DCC: variants seen among roughly 807,000 people sequenced by gnomAD.
DCC encodes DCC netrin 1 receptor.
Under a neutral mutation model 172.5 loss-of-function variants are expected in DCC, and 58 were observed. That is an observed-to-expected ratio of 0.34 (90% CI 0.27 to 0.42). The LOEUF is 0.42. Among genes scored for constraint, DCC ranks in the 10% least tolerant of loss-of-function variants. The probability of loss-of-function intolerance (pLI) is 1.00; values close to 1 mark genes in which losing one functional copy is unlikely to be tolerated. For missense variants in DCC, 1,740 were observed against 1,791.0 expected (o/e 0.97, Z 0.51); for synonymous variants, 709 against 644.5 (o/e 1.10, Z -1.52).
intron 27 of DCC, among the ~76,000 whole-genome samples, chr18:53,504,024 A>C (rs922902896): frequency 6.6e-6 from 1 of 152,198 alleles, no homozygotes; most frequent in African/African-American, 2.4e-5. Flanking sequence ...CATGTGCTTT[A>C]ATTTGTCTGA....
At chr18:53,404,513 C>T (rs1026865996) in intron 19 of DCC, among the ~76,000 whole-genome samples, 10 of 151,966 alleles carry the variant, frequency 6.6e-5, no homozygotes, top group Non-Finnish European at 1.2e-4. Flanking sequence ...AGGCAGATTA[C>T]GAGGTCAGGA....
intron 12 of DCC, among the ~76,000 whole-genome samples, chr18:53,303,192 G>A (rs1326118454): frequency 2.0e-5 from 3 of 152,078 alleles, no homozygotes; most frequent in Non-Finnish European, 4.4e-5. Context: ...AATTTTGAGA[G>A]ATTTCTTTTA....
chr18:52,937,270 A>G (rs1364048923), intron 5 of DCC, among the ~76,000 whole-genome samples: 2 of 152,148 alleles, frequency 1.3e-5, no homozygotes, highest in African/African-American at 2.4e-5. Flanking sequence ...TTGACTCAGA[A>G]GAAGATAGCA....
chr18:52,837,192 G>A (rs771570576), intron 2 of DCC, among the ~76,000 whole-genome samples: 3 of 152,166 alleles, frequency 2.0e-5, no homozygotes, highest in Non-Finnish European at 4.4e-5. Context: ...AGGCCTCCAA[G>A]CCTGTGATGG....
chr18:52,788,017 A>G (rs2145199288), intron 2 of DCC, among the ~76,000 whole-genome samples: 1 of 152,284 alleles, frequency 6.6e-6, no homozygotes, highest in East Asian at 1.9e-4. Context: ...AGAGGAGGTT[A>G]GTGTCTTAAG....
At chr18:52,943,277 A>T (rs1460841354) in intron 5 of DCC, among the ~76,000 whole-genome samples, 1 of 152,198 alleles carries the variant, frequency 6.6e-6, no homozygotes, top group Non-Finnish European at 1.5e-5. Flanking sequence ...TTTGGATTTC[A>T]TTAATAATAG....
intron 14 of DCC, among the ~76,000 whole-genome samples, chr18:53,333,635 A>T (rs1335092785): frequency 6.6e-6 from 1 of 152,176 alleles, no homozygotes; most frequent in Non-Finnish European, 1.5e-5. Context: ...GGTAGGAGAT[A>T]AGTGGAGAGA....
intron 1 of DCC, among the ~76,000 whole-genome samples, chr18:52,723,192 T>C (rs1040916806): frequency 6.6e-6 from 1 of 152,228 alleles, no homozygotes; most frequent in Non-Finnish European, 1.5e-5. Context: ...TCTCCTTATA[T>C]TGTTTGTTTG....
chr18:52,867,648 A>G (rs758591469), intron 2 of DCC, among the ~76,000 whole-genome samples: 8 of 152,076 alleles, frequency 5.3e-5, no homozygotes, highest in Non-Finnish European at 1.0e-4. Flanking sequence ...CATTTCTTCT[A>G]GATTTTCTAG....
chr18:53,498,097 G>A (rs1338959043), intron 26 of DCC, among the ~76,000 whole-genome samples: 1 of 152,176 alleles, frequency 6.6e-6, no homozygotes, highest in Non-Finnish European at 1.5e-5. Flanking sequence ...GAATATAGAA[G>A]AATGAGTATA....
intron 1 of DCC, among the ~76,000 whole-genome samples, chr18:52,746,983 G>A (rs112879951): frequency 2.5e-4 from 38 of 151,682 alleles, no homozygotes; most frequent in African/African-American, 8.5e-4. Flanking sequence ...GGAGGAGGAG[G>A]AGGAGAAGGC....
At chr18:52,451,998 G>T (rs540545583) in intron 1 of DCC, among the ~76,000 whole-genome samples, 1 of 152,230 alleles carries the variant, frequency 6.6e-6, no homozygotes, top group African/African-American at 2.4e-5. Flanking sequence ...GCAATGTCAC[G>T]GCTTGTTGAT....
intron 2 of DCC, among the ~76,000 whole-genome samples, chr18:52,811,788 C>G (rs1327187371): frequency 6.6e-6 from 1 of 152,102 alleles, no homozygotes; most frequent in Non-Finnish European, 1.5e-5. Flanking sequence ...AAACTTAGCT[C>G]TAATTCTCTT....
intron 5 of DCC, among the ~76,000 whole-genome samples, chr18:53,024,613 T>TC (rs760015198): frequency 6.6e-6 from 1 of 152,128 alleles, no homozygotes; most frequent in Non-Finnish European, 1.5e-5. Context: ...ACCCAATAGT[T>TC]CCTAGTAAGG....
intron 2 of DCC, among the ~76,000 whole-genome samples, chr18:52,903,205 T>C (rs1305252255): frequency 2.0e-5 from 3 of 152,080 alleles, no homozygotes; most frequent in Non-Finnish European, 2.9e-5. Context: ...TAATTTTCTG[T>C]TTTATTATTT....
At chr18:52,557,699 A>T (rs560010146) in intron 1 of DCC, among the ~76,000 whole-genome samples, 1 of 152,286 alleles carries the variant, frequency 6.6e-6, no homozygotes, top group South Asian at 2.1e-4. Flanking sequence ...TTACTCTGTC[A>T]CTCAGGCTGG....
chr18:53,421,080 G>A (rs995028723), intron 21 of DCC, among the ~76,000 whole-genome samples: 1 of 152,138 alleles, frequency 6.6e-6, no homozygotes, highest in Admixed American at 6.5e-5. Context: ...TTTTGAGTTT[G>A]CAATGGAGGT....
chr18:53,333,368 A>G (rs1383448159), intron 14 of DCC, among the ~76,000 whole-genome samples: 2 of 152,228 alleles, frequency 1.3e-5, no homozygotes, highest in East Asian at 1.9e-4. Context: ...GAGGACTAGA[A>G]CAAAACTCTA....
At chr18:53,217,391 AC>A (rs1277184959) in intron 12 of DCC, among the ~76,000 whole-genome samples, 1 of 151,976 alleles carries the variant, frequency 6.6e-6, no homozygotes, top group Non-Finnish European at 1.5e-5. Context: ...GCAAATACAA[AC>A]ACTTCTACTT....
Sources: allele counts gnomAD v4.1 joint callset (sites outside exome capture counted in the v4.1 genomes callset), GRCh38; gene constraint gnomAD v4.1.1; transcripts MANE v1.5; gene names NCBI Gene and HGNC (gene_info 2026-07-23, HGNC 2026-07-21).